AGAP2: variants seen among roughly 807,000 people sequenced by gnomAD.
AGAP2 encodes the protein arf-GAP with GTPase, ANK repeat and PH domain-containing protein 2.
AGAP2 carries 32 observed loss-of-function variants against 110.9 expected under a neutral mutation model. The observed-to-expected ratio is 0.29, with a 90% CI of 0.22 to 0.39. AGAP2 has a LOEUF of 0.39. Among genes scored for constraint, AGAP2 ranks in the 10% least tolerant of loss-of-function variants. AGAP2 has a pLI of 1.00. For missense variants in AGAP2, 1,285 were observed against 1,638.5 expected, an observed-to-expected ratio of 0.78 and a Z score of 3.72; for synonymous variants, 702 against 713.0, an observed-to-expected ratio of 0.98 and a Z score of 0.25.
chr12:57,731,639 G>A lies in AGAP2; in HGVS notation c.1957C>T (p.Arg653Cys), dbSNP rs1173922343. The A allele has an allele frequency of 1.2e-6, 2 of 1,613,974 alleles. No homozygotes were observed. The highest frequency in any genetic ancestry group is 1.7e-6 in the Non-Finnish European group (2 of 1,180,016). The change falls in exon 9 of 19, where the codon CGT (arginine) becomes TGT (cysteine). Residue 653 changes from arginine to cysteine, a missense_variant. By Grantham distance (180) the Arg-to-Cys change is radical. Transcript: ENST00000547588. Reference sequence around the variant, plus strand: ...CGTTTCTCGGAGTCACTACCCCGACGATTCTGGAATGGTTATTGGAATCAG... The same window carrying A: ...CGTTTCTCGGAGTCACTACCCCGACAATTCTGGAATGGTTATTGGAATCAG... Reference protein sequence around the residue: ...AKRRTSLFANRRGSDSEKRSL... With the variant: ...AKRRTSLFANCRGSDSEKRSL...
chr12:57,739,031 T>G (rs912454540), upstream of AGAP2, among the ~76,000 whole-genome samples: 7 of 131,904 alleles, frequency 5.3e-5, no homozygotes, highest in East Asian at 5.4e-4. Context: ...CCAGCACCGA[T>G]GTCTGCGAGG....
At chr12:57,741,855 T>C, upstream of AGAP2, 1 of 1,579,600 alleles carries the variant, frequency 6.3e-7, no homozygotes, top group Non-Finnish European at 8.6e-7. Context: ...CAGCTAAACC[T>C]TCTATGCACC....
In AGAP2 at chr12:57,734,338, G is replaced by T. The variant is rs757450313; in HGVS notation, c.1382C>A (p.Ala461Asp). The T allele has an allele frequency of 6.2e-7, 1 of 1,614,156 alleles. No individual in the cohort carries two copies. Among genetic ancestry groups the T allele is most frequent in the South Asian group, 1.1e-5 (1 of 91,084 alleles). The change falls in exon 4 of 19, where the codon GCT becomes GAT. Residue 461 changes from alanine (A) to aspartate (D), a missense_variant. Physicochemically the swap from Ala to Asp is moderately radical, Grantham distance 126 (BLOSUM62 -2). Transcript: ENST00000547588. Reference protein sequence around the residue: ...QTHLVLIREEAGAPDAKFSGW... With the variant: ...QTHLVLIREEDGAPDAKFSGW... Reference sequence around the variant, plus strand: ...CCTCACCTTGGCATCAGGTGCCCCAGCTTCCTCTCGGATTAGCACCAGATG... The same window carrying T: ...CCTCACCTTGGCATCAGGTGCCCCATCTTCCTCTCGGATTAGCACCAGATG...
Position 57,734,154 on chromosome 12 carries a change from G to T in AGAP2, c.1421C>A (p.Ala474Asp). 6.2e-7 allele frequency: 1 copy of T among 1,611,836 alleles called. No individual in the cohort carries two copies. The highest frequency in any genetic ancestry group is 8.5e-7 in the Non-Finnish European group (1 of 1,178,598). The part of the protein sequence containing the change: ...PDAKFSGWAD[A>D]VIFVFSLEDE... The stretch of plus-strand genomic sequence containing the variant: ...CTCCAGGCTGAAGACGAAGATCACA[G>T]CATCTGCCCAGCCTGAGAACTTGCG... Residue 474 changes from alanine (A) to aspartate (D), a missense_variant, in exon 5 of 19, where the codon GCT becomes GAT. Physicochemically the swap from Ala to Asp is moderately radical, Grantham distance 126. Coordinates refer to ENST00000547588, the MANE Select transcript of AGAP2 (RefSeq NM_001122772.3).
At position 57,738,584 on chromosome 12, in the gene AGAP2, G is replaced by T. The variant is rs1487492800; in HGVS notation, c.-338C>A. On this transcript the variant is annotated 5_prime_UTR_variant, in exon 1 of 19. Transcript: ENST00000547588. This position sits in a 1 kb window ranked among gnomAD's most constrained non-coding sequence, Gnocchi z 6.7. The stretch of plus-strand genomic sequence containing the variant: ...GAGGGCGGGGAGGACAGTAGTGGGG[G>T]CAAATGGGGGAGAGAGAGGAAAAGG... Among the ~76,000 whole-genome samples the T allele has an allele frequency of 6.6e-6, 1 of 151,914 alleles. No homozygotes were observed. The highest frequency in any genetic ancestry group is 1.5e-5 in the Non-Finnish European group (1 of 67,916).
rs1171028664 is a variant in AGAP2 at position 57,737,916 on chromosome 12, G to A, written c.331C>T (p.Arg111Cys). 58 of 1,391,104 alleles carry A rather than the reference G, an allele frequency of 4.2e-5. 1 individual carries two copies. In the East Asian group the frequency reaches 1.7e-3, roughly 41 times the overall value. The allele number at this position is 1,391,104 out of a possible 1,614,324, so 86.2% of individuals were successfully genotyped here. Residue 111 changes from arginine (R) to cysteine (C), a missense_variant, in exon 1 of 19, where the codon CGC becomes TGC. Arg to Cys is a radical substitution (Grantham distance 180). This residue lies in a region of AGAP2 where 844 missense variants were observed against 941.2 expected (regional missense o/e 0.90). Transcript: ENST00000547588. This position sits in a 1 kb window ranked among gnomAD's most constrained non-coding sequence, Gnocchi z 5.9. ...GGAGGGACGGCCCAGAGGGAGAGGC[G>A]GCGGCCGGGAGCGGGGGAGACTGGG... The part of the protein sequence containing the change: ...ARPVSPAPGR[R>C]LSLWAVPPGP...
At chr12:57,728,162 G>A in intron 14 of AGAP2, 77 bp from the exon 15 acceptor site, 1 of 1,543,666 alleles carries the variant, frequency 6.5e-7, no homozygotes, top group South Asian at 1.2e-5. Flanking sequence ...CGTCCTCCCT[G>A]ATGTCCATCC....
intron 2 of AGAP2, 147 bp from the exon 3 acceptor site, chr12:57,734,826 T>C: frequency 2.8e-6 from 2 of 710,742 alleles, no homozygotes; most frequent in Non-Finnish European, 4.9e-6. Flanking sequence ...AGAGAGCAGT[T>C]GGGAGGATCA....
chr12:57,727,586 C>A lies in AGAP2; in HGVS notation c.2858-4G>T, dbSNP rs1461959751. On this transcript the variant is annotated splice_polypyrimidine_tract_variant and splice_region_variant and intron_variant, in intron 16 of 18. Coordinates refer to ENST00000547588, the MANE Select transcript of AGAP2 (RefSeq NM_001122772.3). ...TTCAAGCTGGCCCACGTGGGGTCTG[C>A]GGAAGGAGCGTAGAGGTCGGCTCCC... 2 of 1,600,244 alleles carry A rather than the reference C, an allele frequency of 1.2e-6. No individual in the cohort carries two copies. Among genetic ancestry groups the A allele is most frequent in the South Asian group, 1.1e-5 (1 of 89,888 alleles).
chr12:57,738,667 C>T lies in AGAP2; in HGVS notation c.-421G>A, dbSNP rs1200786435. Among the ~76,000 whole-genome samples, 1 of 144,830 alleles carries T rather than the reference C, an allele frequency of 6.9e-6. No individual in the cohort carries two copies. The highest frequency in any genetic ancestry group is 1.5e-5 in the Non-Finnish European group (1 of 66,040). On this transcript the variant is annotated 5_prime_UTR_variant, in exon 1 of 19. Transcript: ENST00000547588. The surrounding 1 kb of genome is among the most constrained non-coding windows in gnomAD (Gnocchi z 6.7). ...CGAACCTGTGCGGGGGAGGCAGGGG[C>T]GGGGAATTGGGACTCAAGGGACAGG...
chr12:57,732,319 C>T, intron 7 of AGAP2, 84 bp downstream of exon 7: 1 of 1,299,904 alleles, frequency 7.7e-7, no homozygotes, highest in Non-Finnish European at 1.1e-6. Context: ...CCTGAACCTC[C>T]TTGGGTACTC....
At position 57,731,621 on chromosome 12, in the gene AGAP2, C is replaced by T. The variant is rs772641164; in HGVS notation, c.1975G>A (p.Glu659Lys). 26 of 1,614,132 alleles carry T rather than the reference C, an allele frequency of 1.6e-5. No individual in the cohort carries two copies. Among genetic ancestry groups the T allele is most frequent in the Admixed American group, 8.3e-5 (5 of 60,026 alleles). The change falls in exon 9 of 19, where the codon GAG (glutamate) becomes AAG (lysine). Residue 659 changes from glutamate to lysine, a missense_variant. Physicochemically the swap from Glu to Lys is moderately conservative, Grantham distance 56. Coordinates refer to ENST00000547588, the MANE Select transcript of AGAP2 (RefSeq NM_001122772.3). ...CCCCGACTATCCAAGCTTCGTTTCT[C>T]GGAGTCACTACCCCGACGATTCTGG... ...LFANRRGSDS[E>K]KRSLDSRGET...
chr12:57,726,772 C>G lies in AGAP2; in HGVS notation c.3359G>C (p.Arg1120Pro), dbSNP rs1340009399. 7.4e-7 allele frequency: 1 copy of G among 1,360,052 alleles called. No homozygotes were observed. The highest frequency in any genetic ancestry group is 9.4e-7 in the Non-Finnish European group (1 of 1,061,342). The allele number at this position is 1,360,052 out of a possible 1,614,324, so 84.2% of individuals were successfully genotyped here. ...CAGCGCCGTGCGGCCCTGGGCGTCA[C>G]GGGCCGCCACGTCCGCGCCGTACTA... is the stretch of plus-strand genomic sequence containing the variant. ...LLWYGADVAA[R>P]DAQGRTALFY... is the part of the protein sequence containing the mutation. The change falls in exon 19 of 19, where the codon CGT becomes CCT. Residue 1120 changes from arginine to proline, a missense_variant. Arg to Pro is a moderately radical substitution (Grantham distance 103, BLOSUM62 -2). This residue lies in a region of AGAP2 where 201 missense variants were observed against 276.1 expected (regional missense o/e 0.73). Transcript: ENST00000547588. The surrounding 1 kb of genome is among the most constrained non-coding windows in gnomAD (Gnocchi z 5.7).
chr12:57,740,679 C>T (rs1429647363), upstream of AGAP2, among the ~76,000 whole-genome samples: 1 of 152,070 alleles, frequency 6.6e-6, no homozygotes, highest in African/African-American at 2.4e-5. Flanking sequence ...CTAGGAGGCC[C>T]CATGGCCCAC....
At chr12:57,741,829 G>A (rs887234894), upstream of AGAP2, 3 of 1,489,860 alleles carry the variant, frequency 2.0e-6, no homozygotes, top group Non-Finnish European at 2.8e-6. Flanking sequence ...AGCTGACTGG[G>A]AATTGATATA....
intron 13 of AGAP2, 149 bp from the exon 14 acceptor site, chr12:57,728,526 G>C: frequency 1.2e-6 from 1 of 821,520 alleles, no homozygotes. Context: ...CAGACAGATG[G>C]GGAGAGAAAG....
rs148173870 is a variant in AGAP2, at chr12:57,735,519, AC to A, written c.1169-93del. On this transcript the variant is annotated intron_variant, in intron 1 of 18. Coordinates refer to ENST00000547588, the MANE Select transcript of AGAP2 (RefSeq NM_001122772.3). The stretch of plus-strand genomic sequence containing the variant: ...CCCCTCCTCCCTCTGCAGCTTTCCA[AC>A]CCCCCCCCAACCCTGCCTGCACTGG... 2.8e-3 allele frequency: 2,933 copies of A among 1,032,614 alleles called. 1 individual carries two copies. The highest frequency in any genetic ancestry group is 5.4e-3 in the Middle Eastern group (18 of 3,326). 64.0% of individuals were successfully genotyped at this position (1,032,614 alleles called of 1,614,324 possible).
At chr12:57,729,605 T>C in intron 13 of AGAP2, 34 bp downstream of exon 13, 2 of 1,598,710 alleles carry the variant, frequency 1.3e-6, no homozygotes, top group Non-Finnish European at 1.7e-6. Context: ...ATGAGGGTTC[T>C]GGGTGGGAGT....
chr12:57,736,757 G>A (rs1954989896), intron 1 of AGAP2, among the ~76,000 whole-genome samples: 1 of 152,220 alleles, frequency 6.6e-6, no homozygotes, highest in South Asian at 2.1e-4. Flanking sequence ...TGCTCCCAGA[G>A]TTCAGCTGAG....
Sources: allele counts gnomAD v4.1 joint callset (sites outside exome capture counted in the v4.1 genomes callset), GRCh38; gene constraint gnomAD v4.1.1; regional missense constraint gnomAD v4.1.1; non-coding constraint Gnocchi (gnomAD v3.1); transcripts MANE v1.5; gene names NCBI Gene and HGNC (gene_info 2026-07-23, HGNC 2026-07-21).